HRK: variants seen among roughly 807,000 people sequenced by gnomAD.
HRK encodes activator of apoptosis harakiri.
Under a neutral mutation model 5.9 loss-of-function variants are expected in HRK, and 6 were observed. The observed-to-expected ratio is 1.02, with a 90% confidence interval of 0.56 to 2.01. The LOEUF is 2.01. Ranked by LOEUF, HRK falls within the 30% of genes most tolerant of loss-of-function variation. HRK has a pLI of 0.00. For synonymous variants in HRK, 85 were observed against 65.1 expected (o/e 1.31, Z -1.47); for missense variants, 133 against 128.3 (o/e 1.04, Z -0.18).
At position 116,859,457 on chromosome 12, in the gene HRK, C is replaced by A. The variant is rs1356599551; in HGVS notation, c.*2066G>T. The A allele has an allele frequency of 6.6e-6, 1 of 152,166 alleles. No homozygotes were observed. The highest frequency in any genetic ancestry group is 2.4e-5 in the African/African-American group (1 of 41,434). The allele number at this position is 152,166 out of a possible 1,614,324, so 9.4% of individuals were successfully genotyped here. On this transcript the variant is annotated 3_prime_UTR_variant, in exon 2 of 2. Coordinates refer to ENST00000257572, the MANE Select transcript of HRK (RefSeq NM_003806.4). ...GGCTAAGAAAGTGATTAAATAGAAG[C>A]AGTGACTGTATTTCATATTATTCTA...
intron 1 of HRK, 106 bp downstream of exon 1, chr12:116,880,870 A>AG (rs1279446318): frequency 5.3e-6 from 2 of 378,818 alleles, no homozygotes; most frequent in African/African-American, 4.3e-5. Flanking sequence ...AAGAAGGAGA[A>AG]GGGAAAAGAA....
intron 1 of HRK, among the ~76,000 whole-genome samples, chr12:116,870,535 G>A (rs985394056): frequency 6.6e-6 from 1 of 152,162 alleles, no homozygotes. Flanking sequence ...GACATGGGCT[G>A]GGCACAGTGG....
At chr12:116,875,417 T>C (rs543089552) in intron 1 of HRK, among the ~76,000 whole-genome samples, 1 of 152,350 alleles carries the variant, frequency 6.6e-6, no homozygotes, top group South Asian at 2.1e-4. Context: ...GGAACTCTTA[T>C]GTCTTGGTCC....
In HRK at chr12:116,879,353, C is replaced by G. The variant is rs1444362520; in HGVS notation, c.*56+1623G>C. 6.6e-6 allele frequency: 1 copy of G among 152,322 alleles called. No homozygotes were observed. Among genetic ancestry groups the G allele is most frequent in the East Asian group, 1.9e-4 (1 of 5,198 alleles). The allele number at this position is 152,322 out of a possible 1,614,324, so 9.4% of individuals were successfully genotyped here. On this transcript the variant is annotated intron_variant, in intron 1 of 1. Transcript: ENST00000257572. The surrounding 1 kb of genome is among the most constrained non-coding windows in gnomAD (Gnocchi z 5.6). Reference sequence around the variant, plus strand: ...TATCCTCCCCAAACTTCTTGTCCCTCCCCATCTCGTCGCTTGTTTTTTCTC... The same window carrying G: ...TATCCTCCCCAAACTTCTTGTCCCTGCCCATCTCGTCGCTTGTTTTTTCTC...
intron 1 of HRK, among the ~76,000 whole-genome samples, chr12:116,872,036 A>G (rs1250937559): frequency 6.6e-6 from 1 of 151,882 alleles, no homozygotes; most frequent in African/African-American, 2.4e-5. Flanking sequence ...CTTCACAATG[A>G]TGGATGGGGA....
rs1441910102 is a variant in HRK, at chr12:116,856,731, G to A, written c.*4792C>T. ...TGAAGGGACCCAGTGGAGCAGAGCA[G>A]TCAGCTCACGAGCGTGGGGGTCCCA... On this transcript the variant is annotated 3_prime_UTR_variant, in exon 2 of 2. Coordinates refer to ENST00000257572, the MANE Select transcript of HRK (RefSeq NM_003806.4). The surrounding 1 kb of genome is among the most constrained non-coding windows in gnomAD (Gnocchi z 4.4). The A allele has an allele frequency of 6.6e-6, 1 of 152,260 alleles. No homozygotes were observed. The highest frequency in any genetic ancestry group is 2.4e-5 in the African/African-American group (1 of 41,470). 9.4% of individuals were successfully genotyped at this position (152,260 alleles called of 1,614,324 possible). A position where few individuals can be genotyped will look rare whatever the true frequency, so the allele number is the denominator to read the frequency against.
intron 1 of HRK, among the ~76,000 whole-genome samples, chr12:116,871,970 G>A (rs1878770235): frequency 6.6e-6 from 1 of 151,764 alleles, no homozygotes; most frequent in Non-Finnish European, 1.5e-5. Context: ...GCCCAGGTTG[G>A]AGTACAGTGG....
chr12:116,869,687 T>C (rs1425968912), intron 1 of HRK: 1 of 152,206 alleles, frequency 6.6e-6, no homozygotes, highest in Non-Finnish European at 1.5e-5. Context: ...GTGAGGAAGA[T>C]ACACAGTTAC....
At position 116,881,138 on chromosome 12, in the gene HRK, C is replaced by A. The variant is rs1464060151; in HGVS notation, c.170G>T (p.Arg57Leu). 3.3e-6 allele frequency: 4 copies of A among 1,197,304 alleles called. No individual in the cohort carries two copies. The South Asian group carries it at 1.2e-4, about 35-fold the overall frequency. 74.2% of individuals were successfully genotyped at this position (1,197,304 alleles called of 1,614,324 possible). A position where few individuals can be genotyped will look rare whatever the true frequency, so the allele number is the denominator to read the frequency against. The change falls in exon 1 of 2, where the codon CGG becomes CTG. Residue 57 changes from arginine to leucine, a missense_variant. Coordinates refer to ENST00000257572, the MANE Select transcript of HRK (RefSeq NM_003806.4). ...GAGCGCGCCGGGCGCCGGCGCCCTC[C>A]GGCTCCGCGCGCGGCGCCGCCACAT... ...RTMWRRRARS[R>L]RAPAPGALPT... is the part of the protein sequence containing the mutation.
At chr12:116,875,637 G>A (rs1346147856) in intron 1 of HRK, among the ~76,000 whole-genome samples, 1 of 152,064 alleles carries the variant, frequency 6.6e-6, no homozygotes, top group Non-Finnish European at 1.5e-5. Flanking sequence ...TCCGCCTCCT[G>A]GGTTCATGCA....
chr12:116,876,426 T>C (rs1878930398), intron 1 of HRK, among the ~76,000 whole-genome samples: 1 of 152,232 alleles, frequency 6.6e-6, no homozygotes, highest in South Asian at 2.1e-4. Context: ...CCAGTTAGCA[T>C]GTCTGGCTGG....
At position 116,858,147 on chromosome 12, in the gene HRK, AC is replaced by A. The variant is rs1289927964; in HGVS notation, c.*3375del. On this transcript the variant is annotated 3_prime_UTR_variant, in exon 2 of 2. Coordinates refer to ENST00000257572, the MANE Select transcript of HRK (RefSeq NM_003806.4). ...AAAAAAAAAAAAAACGAACAAAAAA[AC>A]AGGAACTGGGCTCTAAGAGATGCGC... 9 of 151,258 alleles carry A rather than the reference AC, an allele frequency of 6.0e-5. No individual in the cohort carries two copies. Among genetic ancestry groups the A allele is most frequent in the Non-Finnish European group, 7.4e-5 (5 of 67,918 alleles). The allele number at this position is 151,258 out of a possible 1,614,324, so 9.4% of individuals were successfully genotyped here.
chr12:116,871,590 C>T (rs2137250412), intron 1 of HRK, among the ~76,000 whole-genome samples: 1 of 145,588 alleles, frequency 6.9e-6, no homozygotes, highest in East Asian at 2.0e-4. Flanking sequence ...AGGTGTGAGC[C>T]ACCGTGCCCA....
Position 116,862,164 on chromosome 12 carries a change from G to C in HRK, c.*57-698C>G, listed in dbSNP as rs574256573. On this transcript the variant is annotated intron_variant, in intron 1 of 1. Transcript: ENST00000257572. This position sits in a 1 kb window ranked among gnomAD's most constrained non-coding sequence, Gnocchi z 4.0. Reference sequence around the variant, plus strand: ...GCAGGCCCCTGCTGACTATTGAAGAGTGCCAGGAAACTAACCAGGATAAGA... The same window carrying C: ...GCAGGCCCCTGCTGACTATTGAAGACTGCCAGGAAACTAACCAGGATAAGA... 9.8e-5 allele frequency among the ~76,000 whole-genome samples: 15 copies of C among 152,324 alleles called. No homozygotes were observed. In the South Asian group the frequency reaches 3.1e-3, roughly 32 times the overall value.
intron 1 of HRK, among the ~76,000 whole-genome samples, chr12:116,871,292 C>T (rs1373101097): frequency 6.6e-6 from 1 of 150,878 alleles, no homozygotes; most frequent in Non-Finnish European, 1.5e-5. Context: ...ATCAAAGTTA[C>T]ATTTGAGAGC....
rs1365665758 is a variant in HRK at position 116,859,098 on chromosome 12, G to A, written c.*2425C>T. On this transcript the variant is annotated 3_prime_UTR_variant, in exon 2 of 2. Coordinates refer to ENST00000257572, the MANE Select transcript of HRK (RefSeq NM_003806.4). Reference sequence around the variant, plus strand: ...ATAAAACAGGAGAATATCTACAAGGGACTTGGCTGAGAAGCTCTATCAGGA... The same window carrying A: ...ATAAAACAGGAGAATATCTACAAGGAACTTGGCTGAGAAGCTCTATCAGGA... 1.3e-5 allele frequency: 2 copies of A among 152,144 alleles called. No homozygotes were observed. Among genetic ancestry groups the A allele is most frequent in the African/African-American group, 4.8e-5 (2 of 41,424 alleles). 9.4% of individuals were successfully genotyped at this position (152,144 alleles called of 1,614,324 possible). A position where few individuals can be genotyped will look rare whatever the true frequency, so the allele number is the denominator to read the frequency against.
chr12:116,875,331 C>G (rs1234380908), intron 1 of HRK, among the ~76,000 whole-genome samples: 2 of 152,094 alleles, frequency 1.3e-5, no homozygotes, highest in Non-Finnish European at 2.9e-5. Context: ...TAATTTGTTA[C>G]ACAGAAGTAG....
intron 1 of HRK, among the ~76,000 whole-genome samples, chr12:116,875,754 G>A (rs1050206530): frequency 2.0e-5 from 3 of 152,170 alleles, no homozygotes; most frequent in Non-Finnish European, 4.4e-5. Flanking sequence ...ACATTGGCCA[G>A]GCAGGTCTCG....
In HRK at chr12:116,879,201, C is replaced by T. The variant is rs1411561021; in HGVS notation, c.*56+1775G>A. On this transcript the variant is annotated intron_variant, in intron 1 of 1. Coordinates refer to ENST00000257572, the MANE Select transcript of HRK (RefSeq NM_003806.4). This position sits in a 1 kb window ranked among gnomAD's most constrained non-coding sequence, Gnocchi z 5.6. Reference sequence around the variant, plus strand: ...GTTTCCAATCTCCTGGACGACAGAACCAGAGAAAGCCGTGTCCCAGCCCTC... The same window carrying T: ...GTTTCCAATCTCCTGGACGACAGAATCAGAGAAAGCCGTGTCCCAGCCCTC... 6.6e-6 allele frequency: 1 copy of T among 152,294 alleles called. No homozygotes were observed. Among genetic ancestry groups the T allele is most frequent in the Non-Finnish European group, 1.5e-5 (1 of 68,084 alleles). The allele number at this position is 152,294 out of a possible 1,614,324, so 9.4% of individuals were successfully genotyped here.
Sources: gnomAD v4.1 joint callset for allele counts (sites outside exome capture counted in the v4.1 genomes callset) on GRCh38, gnomAD v4.1.1 for gene constraint, Gnocchi (gnomAD v3.1) non-coding constraint, MANE v1.5 for transcripts, NCBI Gene and HGNC (gene_info 2026-07-23, HGNC 2026-07-21) for gene names.